The following ARHGAP6 variants were observed in gnomAD, a reference collection of about 807,000 sequenced individuals.
ARHGAP6 encodes the protein Rho GTPase activating protein 6.
In ARHGAP6, 16 loss-of-function variants were observed where a neutral mutation model predicts 55.7. The ratio of observed to expected loss-of-function variants is 0.29; its 90% CI spans 0.19 to 0.44. The LOEUF (loss-of-function observed/expected upper bound fraction) is 0.44, where lower values mean the gene tolerates loss of function less well. Among genes scored for constraint, ARHGAP6 ranks in the 20% least tolerant of loss-of-function variants. The pLI, the probability that ARHGAP6 is intolerant of heterozygous loss-of-function variation, is 1.00. For missense variants in ARHGAP6, 698 were observed against 808.9 expected (o/e 0.86, Z 1.66); for synonymous variants, 382 against 360.9 (o/e 1.06, Z -0.66).
At chrX:11,443,495 C>G (rs764253713) in intron 1 of ARHGAP6, among the ~76,000 whole-genome samples, 2 of 112,123 alleles carry the variant, frequency 1.8e-5, no homozygotes, top group South Asian at 7.6e-4. Flanking sequence ...AGTCTTTATA[C>G]CAACCCACAG....
intron 1 of ARHGAP6, among the ~76,000 whole-genome samples, chrX:11,524,299 CCA>C (rs2050966593): frequency 9.0e-6 from 1 of 111,170 alleles, no homozygotes; most frequent in African/African-American, 3.3e-5. Context: ...CGGATTTTAC[CCA>C]GATAAACCTC....
At chrX:11,567,669 C>A (rs2051461222) in intron 1 of ARHGAP6, among the ~76,000 whole-genome samples, 1 of 107,418 alleles carries the variant, frequency 9.3e-6, no homozygotes, top group African/African-American at 3.4e-5. Flanking sequence ...GTTTTCTTTT[C>A]TTTTCTTTCT....
chrX:11,646,365 T>C (rs1454589394), intron 1 of ARHGAP6, among the ~76,000 whole-genome samples: 1 of 111,123 alleles, frequency 9.0e-6, no homozygotes, highest in Non-Finnish European at 1.9e-5. Flanking sequence ...CCATGCCCGG[T>C]GGAACAGAGA....
chrX:11,335,837 G>T, intron 1 of ARHGAP6: 1 of 242,262 alleles, frequency 4.1e-6, no homozygotes, highest in South Asian at 5.2e-5. Flanking sequence ...AGAGGCCATG[G>T]TGGGGAGGCC....
At chrX:11,226,615 C>T (rs947362116) in intron 2 of ARHGAP6, among the ~76,000 whole-genome samples, 6 of 111,857 alleles carry the variant, frequency 5.4e-5, no homozygotes, top group East Asian at 2.8e-4. Context: ...TTTATGAATA[C>T]ATTAATGAAG....
intron 2 of ARHGAP6, among the ~76,000 whole-genome samples, chrX:11,243,948 T>C (rs1165744950): frequency 1.8e-5 from 2 of 111,736 alleles, no homozygotes; most frequent in African/African-American, 6.5e-5. Context: ...TGTGTAAGTA[T>C]ACTCTATTAA....
chrX:11,223,728 G>A (rs1210879297), intron 2 of ARHGAP6, among the ~76,000 whole-genome samples: 3 of 111,835 alleles, frequency 2.7e-5, no homozygotes, highest in Admixed American at 1.9e-4. Context: ...GTTAAGTGAA[G>A]TATTTCTTTT....
At chrX:11,450,368 A>G (rs776818053) in intron 1 of ARHGAP6, among the ~76,000 whole-genome samples, 25 of 112,010 alleles carry the variant, frequency 2.2e-4, no homozygotes, top group Non-Finnish European at 4.3e-4. Flanking sequence ...TAAATACAAC[A>G]AACGTGTCAT....
At chrX:11,573,353 C>G (rs375105258) in intron 1 of ARHGAP6, among the ~76,000 whole-genome samples, 7 of 109,527 alleles carry the variant, frequency 6.4e-5, no homozygotes, top group Non-Finnish European at 9.5e-5. Context: ...ATCTTGAATT[C>G]ATTTTTGTAT....
intron 1 of ARHGAP6, among the ~76,000 whole-genome samples, chrX:11,643,401 C>A (rs905563874): frequency 8.9e-6 from 1 of 111,931 alleles, no homozygotes; most frequent in African/African-American, 3.2e-5. Context: ...TTTCTAACGC[C>A]AGAATTAATC....
intron 1 of ARHGAP6, among the ~76,000 whole-genome samples, chrX:11,520,613 A>G (rs2050912535): frequency 9.0e-6 from 1 of 111,131 alleles, no homozygotes; most frequent in Admixed American, 9.6e-5. Context: ...ATAGCGCCAC[A>G]ATAAACATAC....
At chrX:11,632,751 G>A (rs1569066430) in intron 1 of ARHGAP6, among the ~76,000 whole-genome samples, 1 of 112,170 alleles carries the variant, frequency 8.9e-6, no homozygotes. Context: ...TATTTAAGTG[G>A]ATGCCCTGCC....
intron 1 of ARHGAP6, among the ~76,000 whole-genome samples, chrX:11,516,987 C>T (rs1389516297): frequency 2.7e-5 from 3 of 111,375 alleles, no homozygotes; most frequent in Non-Finnish European, 3.8e-5. Flanking sequence ...TATATCTATC[C>T]GCGAGCCTCT....
At chrX:11,657,746 G>A (rs62589865) in intron 1 of ARHGAP6, among the ~76,000 whole-genome samples, 1 of 86,009 alleles carries the variant, frequency 1.2e-5, no homozygotes, top group Non-Finnish European at 2.7e-5. Context: ...GAGACAATAG[G>A]AGGGACAATG....
intron 1 of ARHGAP6, among the ~76,000 whole-genome samples, chrX:11,417,281 G>GTGTC (rs1467744727): frequency 8.5e-5 from 9 of 106,351 alleles, no homozygotes; most frequent in African/African-American, 2.8e-4. Context: ...AATTTAAAAT[G>GTGTC]TGTCATCTTA....
At chrX:11,308,091 T>G (rs2048256671) in intron 1 of ARHGAP6, among the ~76,000 whole-genome samples, 2 of 112,455 alleles carry the variant, frequency 1.8e-5, no homozygotes, top group Admixed American at 1.9e-4. Context: ...TGCAAATGAA[T>G]TGATGTGGCC....
At chrX:11,532,261 C>A (rs925914306) in intron 1 of ARHGAP6, among the ~76,000 whole-genome samples, 2 of 112,439 alleles carry the variant, frequency 1.8e-5, no homozygotes, top group African/African-American at 3.2e-5. Context: ...GATATGTTCA[C>A]GAACATGTGC....
At chrX:11,253,526 A>G (rs7051612) in intron 2 of ARHGAP6, among the ~76,000 whole-genome samples, 34 of 111,694 alleles carry the variant, frequency 3.0e-4, no homozygotes, top group African/African-American at 1.1e-3. Flanking sequence ...TTTTCATGGC[A>G]GATTTACTTT....
chrX:11,562,507 T>C (rs899000460), intron 1 of ARHGAP6, among the ~76,000 whole-genome samples: 5 of 112,084 alleles, frequency 4.5e-5, no homozygotes, highest in African/African-American at 1.6e-4. Flanking sequence ...ATTTGTTTCT[T>C]TTAAAAATGA....
Sources: allele counts gnomAD v4.1 joint callset (sites outside exome capture counted in the v4.1 genomes callset), GRCh38; gene constraint gnomAD v4.1.1; transcripts MANE v1.5; gene names NCBI Gene and HGNC (gene_info 2026-07-23, HGNC 2026-07-21).